Variants in GLI3 observed in about 807,000 individuals in gnomAD.
GLI3 encodes the protein GLI family zinc finger 3.
A neutral mutation model predicts 100.8 loss-of-function variants in GLI3; 20 were observed. The ratio of observed to expected loss-of-function variants is 0.20; its 90% CI spans 0.14 to 0.29. GLI3 has a LOEUF of 0.29. Among genes scored for constraint, GLI3 ranks in the 10% least tolerant of loss-of-function variants. The pLI is 1.00. For missense variants in GLI3, 2,040 were observed against 2,128.5 expected, an observed-to-expected ratio of 0.96 and a Z score of 0.82; for synonymous variants, 938 against 860.5, an observed-to-expected ratio of 1.09 and a Z score of -1.58.
chr7:42,061,798 A>G (rs943630654), intron 4 of GLI3, among the ~76,000 whole-genome samples: 3 of 152,192 alleles, frequency 2.0e-5, no homozygotes, highest in East Asian at 1.9e-4. Context: ...CAATTTGTCT[A>G]TATTATTCAA....
intron 7 of GLI3, among the ~76,000 whole-genome samples, chr7:42,033,786 A>G (rs977156109): frequency 1.3e-5 from 2 of 152,192 alleles, no homozygotes; most frequent in East Asian, 3.9e-4. Context: ...GTAGGGACAC[A>G]CATGCACACA....
In GLI3 at chr7:42,111,640, T is replaced by C. The variant is rs189297997; in HGVS notation, c.368-34783A>G. ...GGTAGAAAATGTTTCAAATAGCCAA[T>C]ATCAGGTGCATGAGACACAGCAACA... On this transcript the variant is annotated intron_variant, in intron 3 of 14. Transcript: ENST00000395925. Among the ~76,000 whole-genome samples, 3 of 152,206 alleles carry C rather than the reference T, an allele frequency of 2.0e-5. No individual in the cohort carries two copies. In the East Asian group the frequency reaches 5.8e-4, roughly 29 times the overall value.
chr7:42,206,270 A>T (rs550536282), intron 2 of GLI3, among the ~76,000 whole-genome samples: 11 of 151,024 alleles, frequency 7.3e-5, no homozygotes, highest in South Asian at 4.2e-4. Context: ...CCCATCTAAA[A>T]AATAATAATA....
chr7:42,194,036 T>C (rs1401654154), intron 2 of GLI3, among the ~76,000 whole-genome samples: 1 of 152,200 alleles, frequency 6.6e-6, no homozygotes, highest in East Asian at 1.9e-4. Flanking sequence ...GGACTTTCGC[T>C]TTTACTTTTT....
At chr7:42,163,987 A>G (rs142440774) in intron 2 of GLI3, among the ~76,000 whole-genome samples, 2 of 152,328 alleles carry the variant, frequency 1.3e-5, no homozygotes, top group East Asian at 1.9e-4. Flanking sequence ...TGGTTTTAAA[A>G]TATTACTTTC....
intron 2 of GLI3, among the ~76,000 whole-genome samples, chr7:42,162,539 T>C (rs1787150134): frequency 6.6e-6 from 1 of 152,136 alleles, no homozygotes; most frequent in Non-Finnish European, 1.5e-5. Context: ...AACTCTTCCA[T>C]CCTAATCACA....
intron 10 of GLI3, among the ~76,000 whole-genome samples, chr7:42,001,765 G>A (rs1229323702): frequency 1.3e-5 from 2 of 151,942 alleles, no homozygotes; most frequent in African/African-American, 4.8e-5. Context: ...AAGCAAGGGG[G>A]ACAATAATGG....
intron 3 of GLI3, among the ~76,000 whole-genome samples, chr7:42,104,010 T>C (rs893545333): frequency 2.0e-5 from 3 of 152,228 alleles, no homozygotes; most frequent in Admixed American, 2.0e-4. Flanking sequence ...TAGTATTCAC[T>C]GTGCATCTCT....
chr7:42,063,720 C>T (rs2282919), intron 4 of GLI3, among the ~76,000 whole-genome samples: 53,416 of 152,028 alleles, frequency 0.35, 9,852 homozygotes, highest in East Asian at 0.52. Flanking sequence ...AATACCTATG[C>T]TGTGACAGAC....
rs201984604 is a variant in GLI3 at position 42,045,451 on chromosome 7, G to C, written c.759C>G (p.Asp253Glu). The change falls in exon 6 of 15, where the codon GAC becomes GAG. Residue 253 changes from aspartate to glutamate, a missense_variant. Around this residue, in one of 5 missense-constraint regions of GLI3, gnomAD observed 603 missense variants for 690.9 expected, o/e 0.87. Transcript: ENST00000395925. ...LLTGQRSPYA[D>E]IIPSAATAGT... ...CGGCGGTGGCAGCTGAGGGAATAATGTCTGCATAGGGGCTGCGCTGGCCAG... is the reference window on the plus strand; with the variant it reads ...CGGCGGTGGCAGCTGAGGGAATAATCTCTGCATAGGGGCTGCGCTGGCCAG... 2.5e-6 allele frequency: 4 copies of C among 1,613,754 alleles called. No individual in the cohort carries two copies. The highest frequency in any genetic ancestry group is 3.4e-6 in the Non-Finnish European group (4 of 1,179,760).
chr7:42,111,093 T>G (rs1785695563), intron 3 of GLI3, among the ~76,000 whole-genome samples: 1 of 152,216 alleles, frequency 6.6e-6, no homozygotes, highest in African/African-American at 2.4e-5. Context: ...TATTAAAGAT[T>G]ATTAAGGACT....
rs554151722 is a variant in GLI3 at position 42,256,929 on chromosome 7, T to G, written c.-43+7065A>C. ...TGAATATGGAATTTCTCTCCATTTA[T>G]TTAGATCTCCTTTAATTTTTCTTTG... On this transcript the variant is annotated intron_variant, in intron 1 of 2. Coordinates refer to the GLI3 transcript ENST00000678978. Among the ~76,000 whole-genome samples the G allele has an allele frequency of 6.0e-4, 92 of 152,338 alleles. 1 individual carries two copies. Among genetic ancestry groups the G allele is most frequent in the African/African-American group, 1.8e-3 (75 of 41,596 alleles).
At chr7:42,019,584 G>A (rs1178666943) in intron 10 of GLI3, among the ~76,000 whole-genome samples, 1 of 152,056 alleles carries the variant, frequency 6.6e-6, no homozygotes, top group African/African-American at 2.4e-5. Flanking sequence ...CACTTTGAGA[G>A]TGGATACACT....
chr7:42,016,854 C>G (rs1788780200), intron 10 of GLI3, among the ~76,000 whole-genome samples: 1 of 152,192 alleles, frequency 6.6e-6, no homozygotes, highest in South Asian at 2.1e-4. Flanking sequence ...TCTCTCAGCC[C>G]ATAGAGTCGC....
chr7:42,129,481 G>A (rs1786217742), intron 3 of GLI3, among the ~76,000 whole-genome samples: 1 of 152,216 alleles, frequency 6.6e-6, no homozygotes, highest in Non-Finnish European at 1.5e-5. Context: ...TTCTTCAAGA[G>A]GGCAAAGAAA....
At chr7:42,139,610 C>T (rs1252532598) in intron 3 of GLI3, among the ~76,000 whole-genome samples, 3 of 151,044 alleles carry the variant, frequency 2.0e-5, no homozygotes, top group Non-Finnish European at 4.4e-5. Flanking sequence ...ACCCGGGAAG[C>T]AGAGGTTGCG....
intron 2 of GLI3, among the ~76,000 whole-genome samples, chr7:42,180,543 C>T (rs527319551): frequency 1.3e-3 from 202 of 152,230 alleles, no homozygotes; most frequent in Non-Finnish European, 2.4e-3. Flanking sequence ...GTGACACAGG[C>T]GGGAGAGAGG....
chr7:41,972,061 G>T lies in GLI3; in HGVS notation c.2103+276C>A, dbSNP rs1306717635. Among the ~76,000 whole-genome samples the T allele has an allele frequency of 6.6e-6, 1 of 152,222 alleles. No individual in the cohort carries two copies. The highest frequency in any genetic ancestry group is 1.5e-5 in the Non-Finnish European group (1 of 68,034). On this transcript the variant is annotated intron_variant, in intron 13 of 14. Transcript: ENST00000395925. The surrounding 1 kb of genome is among the most constrained non-coding windows in gnomAD (Gnocchi z 4.4). ...TCAATGAATGATTTTCGACATTACA[G>T]ACACGCTGGAGAGACAGACAGTCGT...
At chr7:42,060,524 C>T (rs1784545914) in intron 4 of GLI3, among the ~76,000 whole-genome samples, 1 of 152,074 alleles carries the variant, frequency 6.6e-6, no homozygotes, top group African/African-American at 2.4e-5. Context: ...AAAATAAAAA[C>T]TTTTGTCTTT....
Sources: gnomAD v4.1 joint callset for allele counts (sites outside exome capture counted in the v4.1 genomes callset) on GRCh38, gnomAD v4.1.1 for gene constraint, gnomAD v4.1.1 regional missense constraint, Gnocchi (gnomAD v3.1) non-coding constraint, MANE v1.5 for transcripts, NCBI Gene and HGNC (gene_info 2026-07-23, HGNC 2026-07-21) for gene names.